TMEM230: variants seen among roughly 807,000 people sequenced by gnomAD.
The protein encoded by TMEM230 is transmembrane protein 230.
TMEM230 carries 10 observed loss-of-function variants against 15.8 expected under a neutral mutation model. The ratio of observed to expected loss-of-function variants is 0.63; its 90% CI spans 0.39 to 1.07. The LOEUF is 1.07. TMEM230 is among the 50% of genes least tolerant of loss of function. TMEM230 has a pLI of 0.01. For synonymous variants in TMEM230, 67 were observed against 76.9 expected (o/e 0.87, Z 0.68); for missense variants, 165 against 193.3 (o/e 0.85, Z 0.87).
chr20:5,070,486 A>G (rs1165659763), intron 3 of TMEM230, among the ~76,000 whole-genome samples: 1 of 152,182 alleles, frequency 6.6e-6, no homozygotes, highest in Non-Finnish European at 1.5e-5. Flanking sequence ...AAGAGTGACT[A>G]AGCCAGGAAG....
In TMEM230 at chr20:5,100,927, G is replaced by T; in HGVS notation, c.416C>A (p.Ala139Glu). 6.2e-7 allele frequency: 1 copy of T among 1,614,022 alleles called. No homozygotes were observed. The highest frequency in any genetic ancestry group is 8.5e-7 in the Non-Finnish European group (1 of 1,179,942). Residue 139 changes from alanine (A) to glutamate (E), a missense_variant, in exon 5 of 5, where the codon GCA becomes GAA. Physicochemically the swap from Ala to Glu is moderately radical, Grantham distance 107. Transcript: ENST00000342308. ...GATCAGCACTGGAACGGCCCGGTCT[G>T]CCCCCTGGTGGCAGAAGGAGGCAAA...
At chr20:5,091,304 C>T (rs1977177) in intron 3 of TMEM230, among the ~76,000 whole-genome samples, 104 of 151,620 alleles carry the variant, frequency 6.9e-4, no homozygotes, top group African/African-American at 2.1e-3. Flanking sequence ...TCTGCCTCCC[C>T]GGTTCAAGTG....
chr20:5,110,065 G>T (rs2090251704), intron 2 of TMEM230, among the ~76,000 whole-genome samples: 1 of 152,020 alleles, frequency 6.6e-6, no homozygotes, highest in Non-Finnish European at 1.5e-5. Context: ...TTGTTTGTTT[G>T]TATTTTTTGG....
downstream of TMEM230, among the ~76,000 whole-genome samples, chr20:5,095,592 C>T (rs2089643101): frequency 6.6e-6 from 1 of 152,120 alleles, no homozygotes; most frequent in South Asian, 2.1e-4. Flanking sequence ...TCTAAGTGCC[C>T]CCACACCCAG....
intron 3 of TMEM230, among the ~76,000 whole-genome samples, chr20:5,091,001 C>T (rs928519652): frequency 6.6e-6 from 1 of 152,058 alleles, no homozygotes; most frequent in African/African-American, 2.4e-5. Flanking sequence ...TCATGATAAG[C>T]CTTGTTGAAT....
At chr20:5,105,408 T>C (rs756503152) in intron 4 of TMEM230, among the ~76,000 whole-genome samples, 33 of 152,108 alleles carry the variant, frequency 2.2e-4, no homozygotes, top group Non-Finnish European at 7.3e-5. Context: ...CTGGGCAACA[T>C]GGCGAAACCC....
intron 3 of TMEM230, among the ~76,000 whole-genome samples, chr20:5,089,290 G>T (rs150128396): frequency 2.0e-5 from 3 of 152,070 alleles, no homozygotes; most frequent in Non-Finnish European, 4.4e-5. Context: ...CAGGAGAATC[G>T]CTTGAACCTG....
intron 3 of TMEM230, among the ~76,000 whole-genome samples, chr20:5,090,022 A>G (rs550637444): frequency 6.6e-6 from 1 of 152,306 alleles, no homozygotes; most frequent in South Asian, 2.1e-4. Flanking sequence ...CAAAAAAGAA[A>G]AGAAAAGAAA....
the TMEM230 span, among the ~76,000 whole-genome samples, chr20:5,061,905 G>A: frequency 6.6e-6 from 1 of 152,088 alleles, no homozygotes; most frequent in African/African-American, 2.4e-5. Flanking sequence ...AAGCACCACT[G>A]TGCTTTTTCC....
In TMEM230 at chr20:5,112,742, C is replaced by A. The variant is rs572071430; in HGVS notation, c.68+219G>T. Reference sequence around the variant, plus strand: ...CGCCTCTACATACGTTATTCTCCTACCCGTCTTCAGACCTTGCCAGGGAGA... The same window carrying A: ...CGCCTCTACATACGTTATTCTCCTAACCGTCTTCAGACCTTGCCAGGGAGA... On this transcript the variant is annotated intron_variant, in intron 1 of 4. Transcript: ENST00000342308. 4.1e-6 allele frequency: 6 copies of A among 1,451,626 alleles called. No homozygotes were observed. In the South Asian group the frequency reaches 8.5e-5, roughly 21 times the overall value. 89.9% of individuals were successfully genotyped at this position (1,451,626 alleles called of 1,614,324 possible). A position where few individuals can be genotyped will look rare whatever the true frequency, so the allele number is the denominator to read the frequency against.
chr20:5,084,571 G>A (rs1407928954), intron 3 of TMEM230, among the ~76,000 whole-genome samples: 3 of 150,146 alleles, frequency 2.0e-5, no homozygotes, highest in Non-Finnish European at 4.4e-5. Context: ...GTCTTGCTCT[G>A]TTGCCCAGGC....
chr20:5,109,930 A>G (rs145476587), intron 2 of TMEM230, among the ~76,000 whole-genome samples: 12 of 152,354 alleles, frequency 7.9e-5, no homozygotes, highest in Admixed American at 7.2e-4. Context: ...GAGGGAGAAG[A>G]GGGCAGAGAA....
At chr20:5,086,698 CTTT>C (rs1416894335) in intron 3 of TMEM230, among the ~76,000 whole-genome samples, 1 of 119,608 alleles carries the variant, frequency 8.4e-6, no homozygotes, top group African/African-American at 3.1e-5. Flanking sequence ...AATTATTTAT[CTTT>C]TTATCTTTTT....
chr20:5,099,728 G>T, downstream of TMEM230: 1 of 475,990 alleles, frequency 2.1e-6, no homozygotes, highest in Non-Finnish European at 2.6e-6. Flanking sequence ...AGTTGCCCAA[G>T]TCCATAACCT....
At chr20:5,061,768 A>G in the TMEM230 span, among the ~76,000 whole-genome samples, 10 of 152,154 alleles carry the variant, frequency 6.6e-5, no homozygotes, top group Non-Finnish European at 1.5e-4. Flanking sequence ...TTGGCTAAAT[A>G]AAGTTCAACC....
intron 3 of TMEM230, among the ~76,000 whole-genome samples, chr20:5,088,170 G>A (rs945725004): frequency 2.0e-5 from 3 of 151,236 alleles, no homozygotes; most frequent in African/African-American, 4.8e-5. Context: ...CTAGCCTGGC[G>A]TGGTGGCGCA....
In TMEM230 at chr20:5,100,219, T is replaced by A. The variant is rs867312466; in HGVS notation, c.*572A>T. On this transcript the variant is annotated 3_prime_UTR_variant, in exon 5 of 5. Coordinates refer to ENST00000342308, the MANE Select transcript of TMEM230 (RefSeq NM_001009923.2). The stretch of plus-strand genomic sequence containing the variant: ...TCCAAGGACTGTTAAACAGAGGAAG[T>A]ATTTACATTTTGAAAACTTGCTCTG... The A allele has an allele frequency of 2.0e-6, 2 of 985,444 alleles. No homozygotes were observed. The highest frequency in any genetic ancestry group is 4.7e-5 in the South Asian group (1 of 21,306). The allele number at this position is 985,444 out of a possible 1,614,324, so 61.0% of individuals were successfully genotyped here.
downstream of TMEM230, chr20:5,098,470 C>T (rs890195771): frequency 2.6e-5 from 4 of 152,046 alleles, no homozygotes; most frequent in Admixed American, 2.6e-4. Flanking sequence ...GTAGTATGGC[C>T]GTAGAGGTTT....
intron 3 of TMEM230, among the ~76,000 whole-genome samples, chr20:5,086,978 A>G (rs2089359334): frequency 6.6e-6 from 1 of 152,104 alleles, no homozygotes; most frequent in Admixed American, 6.6e-5. Flanking sequence ...GGCTCAAGCA[A>G]TCATCCCGCC....
Sources: allele counts gnomAD v4.1 joint callset (sites outside exome capture counted in the v4.1 genomes callset), GRCh38; gene constraint gnomAD v4.1.1; transcripts MANE v1.5; gene names NCBI Gene and HGNC (gene_info 2026-07-23, HGNC 2026-07-21).